CAP2: variants seen among roughly 807,000 people sequenced by gnomAD.
The protein encoded by CAP2 is adenylyl cyclase-associated protein 2.
CAP2 carries 24 observed loss-of-function variants against 57.7 expected under a neutral mutation model. The observed-to-expected ratio is 0.42, with a 90% CI of 0.30 to 0.58. CAP2 has a LOEUF of 0.58. CAP2 is among the 20% of genes least tolerant of loss of function. The pLI is 0.22. For synonymous variants in CAP2, 194 were observed against 207.2 expected (o/e 0.94, Z 0.55); for missense variants, 501 against 590.3 (o/e 0.85, Z 1.57).
At chr6:17,423,257 T>C (rs1220871915) in intron 2 of CAP2, among the ~76,000 whole-genome samples, 1 of 152,236 alleles carries the variant, frequency 6.6e-6, no homozygotes, top group African/African-American at 2.4e-5. Context: ...ACAAATGTGC[T>C]GGCTGGTTTA....
chr6:17,417,076 G>A (rs528887001), intron 1 of CAP2, among the ~76,000 whole-genome samples: 4 of 151,604 alleles, frequency 2.6e-5, no homozygotes, highest in African/African-American at 9.7e-5. Flanking sequence ...TCCAGCCTGA[G>A]AAACAGTGAG....
At chr6:17,519,671 G>A (rs576487309) in intron 7 of CAP2, among the ~76,000 whole-genome samples, 2 of 152,136 alleles carry the variant, frequency 1.3e-5, no homozygotes, top group African/African-American at 4.8e-5. Flanking sequence ...CTCGCAGTTG[G>A]TCAGAGCTGT....
rs552596546 is a variant in CAP2 at position 17,446,780 on chromosome 6, A to G, written c.223-16216A>G. Among the ~76,000 whole-genome samples, 3 of 152,390 alleles carry G rather than the reference A, an allele frequency of 2.0e-5. No homozygotes were observed. In the East Asian group the frequency reaches 5.8e-4, roughly 29 times the overall value. ...GGAATCAAGATACTGCCTGAAAGGCAGTTCATCTAGCAGCAAAAAACAAAG... is the reference window on the plus strand; with the variant it reads ...GGAATCAAGATACTGCCTGAAAGGCGGTTCATCTAGCAGCAAAAAACAAAG... On this transcript the variant is annotated intron_variant, in intron 3 of 12. Transcript: ENST00000229922.
intron 11 of CAP2, among the ~76,000 whole-genome samples, chr6:17,544,544 C>CT (rs11411180): frequency 0.33 from 48,928 of 147,126 alleles, 8,713 homozygotes; most frequent in East Asian, 0.59. Context: ...TAACTTCTAT[C>CT]TTTTTTTTTT....
At chr6:17,535,499 T>G (rs1318227091) in intron 7 of CAP2, among the ~76,000 whole-genome samples, 2 of 152,060 alleles carry the variant, frequency 1.3e-5, no homozygotes, top group African/African-American at 4.8e-5. Context: ...GGTCTTGAAC[T>G]CCTGACCTCA....
At chr6:17,493,902 C>A (rs773171373) in intron 4 of CAP2, among the ~76,000 whole-genome samples, 1 of 152,086 alleles carries the variant, frequency 6.6e-6, no homozygotes, top group Non-Finnish European at 1.5e-5. Context: ...CTGGTCTTTG[C>A]GCTAAAGCCT....
At chr6:17,521,409 C>T (rs1762388974) in intron 7 of CAP2, among the ~76,000 whole-genome samples, 1 of 151,830 alleles carries the variant, frequency 6.6e-6, no homozygotes, top group Non-Finnish European at 1.5e-5. Flanking sequence ...CAGAGCGAGA[C>T]TCCGTCTCAG....
intron 4 of CAP2, among the ~76,000 whole-genome samples, chr6:17,498,511 C>T (rs1368174069): frequency 6.6e-6 from 1 of 152,056 alleles, no homozygotes; most frequent in African/African-American, 2.4e-5. Context: ...AATCTCATGT[C>T]AAACTTCAGG....
intron 1 of CAP2, among the ~76,000 whole-genome samples, chr6:17,399,395 CTTG>C (rs1758753363): frequency 6.6e-6 from 1 of 152,128 alleles, no homozygotes; most frequent in South Asian, 2.1e-4. Context: ...GGAATTCCAT[CTTG>C]TTTTGTTTCT....
chr6:17,534,202 G>GT (rs1762715901), intron 7 of CAP2, among the ~76,000 whole-genome samples: 1 of 152,176 alleles, frequency 6.6e-6, no homozygotes, highest in Non-Finnish European at 1.5e-5. Flanking sequence ...GAAACTAACT[G>GT]TTAGGATAAA....
intron 1 of CAP2, among the ~76,000 whole-genome samples, chr6:17,403,619 A>G (rs761610052): frequency 6.6e-5 from 10 of 152,366 alleles, no homozygotes; most frequent in South Asian, 6.2e-4. Context: ...TGTTTTGACC[A>G]TTGAATTAGA....
chr6:17,429,079 G>A (rs1346660111), intron 3 of CAP2, among the ~76,000 whole-genome samples: 1 of 152,190 alleles, frequency 6.6e-6, no homozygotes, highest in Admixed American at 6.5e-5. Context: ...CACGTCAAAT[G>A]TATCCCACAG....
At chr6:17,531,069 A>C in intron 7 of CAP2, 2 of 775,822 alleles carry the variant, frequency 2.6e-6, no homozygotes, top group Non-Finnish European at 2.3e-6. Context: ...GATCTCATGA[A>C]TCAGATCCTC....
intron 11 of CAP2, among the ~76,000 whole-genome samples, chr6:17,548,393 A>G (rs1240422881): frequency 6.6e-6 from 1 of 151,980 alleles, no homozygotes; most frequent in African/African-American, 2.4e-5. Context: ...AAGAAAGAAA[A>G]GAAAAGAAAA....
At chr6:17,475,577 G>A (rs780124908) in intron 4 of CAP2, among the ~76,000 whole-genome samples, 18 of 152,176 alleles carry the variant, frequency 1.2e-4, no homozygotes, top group South Asian at 8.3e-4. Context: ...GAGAAATGAC[G>A]GCAACCAGAT....
chr6:17,543,646 A>C (rs1175836402), intron 11 of CAP2, among the ~76,000 whole-genome samples: 6 of 143,880 alleles, frequency 4.2e-5, no homozygotes, highest in Non-Finnish European at 1.5e-5. Flanking sequence ...AAAAAAAAAA[A>C]GAAGGAGCCT....
At position 17,447,872 on chromosome 6, in the gene CAP2, T is replaced by C. The variant is rs187514952; in HGVS notation, c.223-15124T>C. On this transcript the variant is annotated intron_variant, in intron 3 of 12. Transcript: ENST00000229922. ...GTTGGGTAAGTTGGGAATGGCTATG[T>C]GTGTAGTAAGGGGTAGAGTTGAATT... 7.9e-4 allele frequency among the ~76,000 whole-genome samples: 120 copies of C among 152,332 alleles called. 1 individual carries two copies. Among genetic ancestry groups the C allele is most frequent in the African/African-American group, 2.8e-3 (116 of 41,584 alleles).
At chr6:17,409,191 G>A (rs1759070988) in intron 1 of CAP2, among the ~76,000 whole-genome samples, 1 of 151,380 alleles carries the variant, frequency 6.6e-6, no homozygotes, top group African/African-American at 2.4e-5. Context: ...GGCCAACATG[G>A]TGAAACCCCA....
chr6:17,436,380 G>A (rs781242135), intron 3 of CAP2, among the ~76,000 whole-genome samples: 1 of 152,136 alleles, frequency 6.6e-6, no homozygotes, highest in Non-Finnish European at 1.5e-5. Context: ...TGGTCCACCC[G>A]CCTTGGCCTC....
Sources: gnomAD v4.1 joint callset for allele counts (sites outside exome capture counted in the v4.1 genomes callset) on GRCh38, gnomAD v4.1.1 for gene constraint, MANE v1.5 for transcripts, NCBI Gene and HGNC (gene_info 2026-07-23, HGNC 2026-07-21) for gene names.